The following RBMS3 variants were observed in gnomAD, a reference collection of about 807,000 sequenced individuals.
RBMS3 encodes RNA-binding motif, single-stranded-interacting protein 3.
Under a neutral mutation model 66.8 loss-of-function variants are expected in RBMS3, and 27 were observed. The observed-to-expected ratio is 0.40, with a 90% CI of 0.30 to 0.56. The LOEUF (loss-of-function observed/expected upper bound fraction) is 0.56, where lower values mean the gene tolerates loss of function less well. Among genes scored for constraint, RBMS3 ranks in the 20% least tolerant of loss-of-function variants. The pLI is 0.40. For synonymous variants in RBMS3, 188 were observed against 183.0 expected (o/e 1.03, Z -0.22); for missense variants, 513 against 549.5 (o/e 0.93, Z 0.66).
chr3:29,891,984 G>GT (rs2060011398), intron 8 of RBMS3, among the ~76,000 whole-genome samples: 1 of 151,340 alleles, frequency 6.6e-6, no homozygotes, highest in African/African-American at 2.4e-5. Context: ...TTTTTGTACA[G>GT]TAAAAAAAAT....
At chr3:29,288,367 T>C (rs1407645339) in intron 1 of RBMS3, among the ~76,000 whole-genome samples, 1 of 151,984 alleles carries the variant, frequency 6.6e-6, no homozygotes, top group Non-Finnish European at 1.5e-5. Context: ...CTTTCACACA[T>C]CTAAATCCAG....
intron 10 of RBMS3, among the ~76,000 whole-genome samples, chr3:29,910,426 T>C (rs923237208): frequency 6.6e-6 from 1 of 152,132 alleles, no homozygotes; most frequent in African/African-American, 2.4e-5. Context: ...AGTATTTGGG[T>C]ATTCATTAAA....
intron 2 of RBMS3, among the ~76,000 whole-genome samples, chr3:29,477,941 T>C (rs1018433014): frequency 4.0e-5 from 6 of 151,898 alleles, no homozygotes; most frequent in Non-Finnish European, 4.4e-5. Context: ...AAGTTTTGTA[T>C]TTTTTTCTGT....
At chr3:29,354,674 A>G (rs2037115836) in intron 1 of RBMS3, among the ~76,000 whole-genome samples, 1 of 152,142 alleles carries the variant, frequency 6.6e-6, no homozygotes, top group Admixed American at 6.6e-5. Context: ...ATATGATACT[A>G]CTACTAAACA....
rs1473016621 is a variant in RBMS3, at chr3:29,933,503, C to T, written c.940-2583C>T. On this transcript the variant is annotated intron_variant, in intron 10 of 14. Coordinates refer to ENST00000383767, the MANE Select transcript of RBMS3 (RefSeq NM_001003793.3). ...GTTCCTATTAGTTACTTCCAGTTTA[C>T]TCCCTGACTGTACATTTCTTCCATT... Among the ~76,000 whole-genome samples the T allele has an allele frequency of 2.0e-5, 3 of 152,098 alleles. No homozygotes were observed. In the East Asian group the frequency reaches 5.8e-4, roughly 29 times the overall value.
chr3:29,799,748 A>G (rs2057328884), intron 6 of RBMS3, among the ~76,000 whole-genome samples: 1 of 152,192 alleles, frequency 6.6e-6, no homozygotes, highest in Admixed American at 6.5e-5. Context: ...GATGAAAACA[A>G]AAATGAAAGC....
chr3:29,810,995 A>G (rs1285958720), intron 6 of RBMS3, among the ~76,000 whole-genome samples: 1 of 152,092 alleles, frequency 6.6e-6, no homozygotes, highest in Non-Finnish European at 1.5e-5. Context: ...ATAAAATTGC[A>G]TTATCGAATA....
intron 6 of RBMS3, among the ~76,000 whole-genome samples, chr3:29,837,637 T>C (rs2058547453): frequency 7.4e-6 from 1 of 134,612 alleles, no homozygotes; most frequent in African/African-American, 2.9e-5. Flanking sequence ...AGCAGATATA[T>C]ATAATGAACA....
At chr3:29,506,887 TC>T (rs1259976347) in intron 3 of RBMS3, among the ~76,000 whole-genome samples, 1 of 151,906 alleles carries the variant, frequency 6.6e-6, no homozygotes, top group Non-Finnish European at 1.5e-5. Context: ...CATAGAAGTC[TC>T]CTATGATCCT....
In RBMS3 at chr3:29,516,667, G is replaced by C. The variant is rs148691028; in HGVS notation, c.307+28168G>C. Among the ~76,000 whole-genome samples the C allele has an allele frequency of 4.7e-4, 72 of 152,098 alleles. 1 individual carries two copies. The East Asian group carries it at 0.012, about 26-fold the overall frequency. ...TCCTGGCCCCAAGCTATCCTACCAC[G>C]TCAGCCTCCTAAAGTGTTGGGATTA... On this transcript the variant is annotated intron_variant, in intron 3 of 14. Coordinates refer to ENST00000383767, the MANE Select transcript of RBMS3 (RefSeq NM_001003793.3).
intron 4 of RBMS3, among the ~76,000 whole-genome samples, chr3:29,688,433 C>G (rs191673395): frequency 6.6e-6 from 1 of 152,074 alleles, no homozygotes; most frequent in Non-Finnish European, 1.5e-5. Flanking sequence ...AGACTTCATA[C>G]ACTCTCATCA....
intron 4 of RBMS3, among the ~76,000 whole-genome samples, chr3:29,684,486 G>GT (rs2051628767): frequency 6.6e-6 from 1 of 152,026 alleles, no homozygotes; most frequent in Non-Finnish European, 1.5e-5. Flanking sequence ...ACCAACTGTG[G>GT]TGGTAAAAAA....
intron 1 of RBMS3, among the ~76,000 whole-genome samples, chr3:29,302,266 CCT>C (rs1306697711): frequency 3.3e-5 from 5 of 151,992 alleles, no homozygotes; most frequent in Non-Finnish European, 1.5e-5. Flanking sequence ...CCCACCTCGG[CCT>C]CCCAAAGTGC....
intron 10 of RBMS3, among the ~76,000 whole-genome samples, chr3:29,907,953 A>G (rs1235093450): frequency 7.2e-5 from 11 of 152,056 alleles, no homozygotes; most frequent in Admixed American, 7.2e-4. Context: ...CTATTTAAGA[A>G]TTTGTTAAGG....
intron 4 of RBMS3, among the ~76,000 whole-genome samples, chr3:29,612,023 G>A (rs972561667): frequency 6.6e-6 from 1 of 151,944 alleles, no homozygotes; most frequent in Non-Finnish European, 1.5e-5. Flanking sequence ...GTATGTTACT[G>A]AACCTCCCAA....
intron 3 of RBMS3, among the ~76,000 whole-genome samples, chr3:29,557,114 C>G (rs7646981): frequency 8.6e-5 from 13 of 152,046 alleles, no homozygotes; most frequent in African/African-American, 3.1e-4. Context: ...ATAATTTGTT[C>G]CAGGGTATGC....
chr3:29,433,760 T>C (rs544359006), intron 1 of RBMS3, among the ~76,000 whole-genome samples: 1 of 152,344 alleles, frequency 6.6e-6, no homozygotes, highest in African/African-American at 2.4e-5. Context: ...TATATATCTA[T>C]GAATTCTGGT....
chr3:29,758,485 A>G (rs1338164756), intron 5 of RBMS3, among the ~76,000 whole-genome samples: 1 of 152,160 alleles, frequency 6.6e-6, no homozygotes, highest in African/African-American at 2.4e-5. Context: ...ATTGTCATCC[A>G]CAGTTTCATT....
chr3:29,495,562 C>A (rs190081434), intron 3 of RBMS3, among the ~76,000 whole-genome samples: 1 of 151,258 alleles, frequency 6.6e-6, no homozygotes, highest in African/African-American at 2.4e-5. Context: ...ATTACAGGTG[C>A]GCGCCACCAT....
Sources: allele counts gnomAD v4.1 joint callset (sites outside exome capture counted in the v4.1 genomes callset), GRCh38; gene constraint gnomAD v4.1.1; transcripts MANE v1.5; gene names NCBI Gene and HGNC (gene_info 2026-07-23, HGNC 2026-07-21).